MYBPC2: variants seen among roughly 807,000 people sequenced by gnomAD.
The protein encoded by MYBPC2 is myosin binding protein C2.
MYBPC2 carries 122 observed loss-of-function variants against 137.0 expected under a neutral mutation model. That is an observed-to-expected ratio of 0.89 (90% CI 0.77 to 1.03). The LOEUF (loss-of-function observed/expected upper bound fraction) is 1.03. MYBPC2 is among the 50% of genes least tolerant of loss of function. The pLI is 0.00. For synonymous variants in MYBPC2, 626 were observed against 612.3 expected (o/e 1.02, Z -0.33); for missense variants, 1,500 against 1,534.4 (o/e 0.98, Z 0.37).
At chr19:50,456,069 C>T (rs1226110675) in intron 20 of MYBPC2, among the ~76,000 whole-genome samples, 3 of 150,518 alleles carry the variant, frequency 2.0e-5, no homozygotes, top group African/African-American at 7.4e-5. Context: ...TCCATCCATC[C>T]ATTCATCTTA....
At chr19:50,457,833 C>A (rs542097917) in intron 20 of MYBPC2, among the ~76,000 whole-genome samples, 4 of 151,702 alleles carry the variant, frequency 2.6e-5, no homozygotes, top group African/African-American at 9.7e-5. Flanking sequence ...GTGCCTGCCA[C>A]CTTGCCCGGC....
chr19:50,454,468 C>T, intron 18 of MYBPC2, 99 bp downstream of exon 18: 1 of 1,061,252 alleles, frequency 9.4e-7, no homozygotes, highest in Non-Finnish European at 1.3e-6. Flanking sequence ...CTCTATCGCC[C>T]AGGCTGGAGT....
At position 50,450,897 on chromosome 19, in the gene MYBPC2, G is replaced by T; in HGVS notation, c.1541G>T (p.Gly514Val). 3 of 1,577,152 alleles carry T rather than the reference G, an allele frequency of 1.9e-6. No individual in the cohort carries two copies. In the East Asian group the frequency reaches 7.0e-5, roughly 37 times the overall value. ...DEGDYTFVPD[G>V]YALSLSAKLN... ...GGAGACTACACGTTTGTGCCTGACGGCTACGCCCTGTCGCTCTCGGCCAAG... is the reference window on the plus strand; with the variant it reads ...GGAGACTACACGTTTGTGCCTGACGTCTACGCCCTGTCGCTCTCGGCCAAG... The change falls in exon 14 of 28, where the codon GGC becomes GTC. Residue 514 changes from glycine to valine, a missense_variant. Gly to Val is a moderately radical substitution (Grantham distance 109). Coordinates refer to ENST00000357701, the MANE Select transcript of MYBPC2 (RefSeq NM_004533.4).
chr19:50,441,093 G>C lies in MYBPC2; in HGVS notation c.769+17G>C. 6.4e-7 allele frequency: 1 copy of C among 1,567,998 alleles called. No homozygotes were observed. The highest frequency in any genetic ancestry group is 8.6e-7 in the Non-Finnish European group (1 of 1,157,004). On this transcript the variant is annotated intron_variant, in intron 8 of 27. Coordinates refer to ENST00000357701, the MANE Select transcript of MYBPC2 (RefSeq NM_004533.4). ...AGAGTGCAGGTCAGCCCTGGTCTGG[G>C]GGGAGCTGGGCCCTGCACACAAGGG...
chr19:50,466,311 T>C lies in MYBPC2; in HGVS notation c.*106T>C, dbSNP rs1601302547. On this transcript the variant is annotated 3_prime_UTR_variant, in exon 28 of 28. Transcript: ENST00000357701. The surrounding 1 kb of genome is among the most constrained non-coding windows in gnomAD (Gnocchi z 4.9). ...GGAGTTTTCGCTGAGAACAAAACAG[T>C]GTTGTCTGGACCCTGGAGTGTCTGT... 2 of 1,496,064 alleles carry C rather than the reference T, an allele frequency of 1.3e-6. No homozygotes were observed. Among genetic ancestry groups the C allele is most frequent in the East Asian group, 2.3e-5 (1 of 43,384 alleles). 92.7% of individuals were successfully genotyped at this position (1,496,064 alleles called of 1,614,324 possible). A position where few individuals can be genotyped will look rare whatever the true frequency, so the allele number is the denominator to read the frequency against.
At chr19:50,444,175 CATCCATCT>C (rs766795481) in intron 11 of MYBPC2, among the ~76,000 whole-genome samples, 12,059 of 149,982 alleles carry the variant, frequency 0.08, 614 homozygotes, top group African/African-American at 0.14. Context: ...TCCATCCATC[CATCCATCT>C]GCTTAACCAT....
At chr19:50,455,933 C>T (rs1393117648) in intron 20 of MYBPC2, among the ~76,000 whole-genome samples, 1 of 152,166 alleles carries the variant, frequency 6.6e-6, no homozygotes, top group East Asian at 1.9e-4. Context: ...TGCCTTCTTT[C>T]TTTCTTCTAC....
Position 50,451,981 on chromosome 19 carries a change from C to T in MYBPC2, c.1727C>T (p.Ala576Val). ...ATCACAGGGGAGCCCCCTCCCGTCG[C>T]TACCTGGCTGAAGGGAGATGAGGTG... ...VSITGEPPPV[A>V]TWLKGDEVFT... Residue 576 changes from alanine (A) to valine (V), a missense_variant, in exon 16 of 28, where the codon GCT becomes GTT. Physicochemically the swap from Ala to Val is moderately conservative, Grantham distance 64. Transcript: ENST00000357701. 1 of 1,553,152 alleles carries T rather than the reference C, an allele frequency of 6.4e-7. No individual in the cohort carries two copies. The highest frequency in any genetic ancestry group is 8.7e-7 in the Non-Finnish European group (1 of 1,147,624).
In MYBPC2 at chr19:50,435,259, G is replaced by A. The variant is rs1440268119; in HGVS notation, c.109+9G>A. 1 of 1,159,194 alleles carries A rather than the reference G, an allele frequency of 8.6e-7. No homozygotes were observed. Among genetic ancestry groups the A allele is most frequent in the African/African-American group, 1.5e-5 (1 of 65,680 alleles). 71.8% of individuals were successfully genotyped at this position (1,159,194 alleles called of 1,614,324 possible). A position where few individuals can be genotyped will look rare whatever the true frequency, so the allele number is the denominator to read the frequency against. On this transcript the variant is annotated intron_variant, in intron 2 of 27. Transcript: ENST00000357701. This position sits in a 1 kb window ranked among gnomAD's most constrained non-coding sequence, Gnocchi z 4.8. Reference sequence around the variant, plus strand: ...TGCAGAGGCCCCCAAAGGTGAGGAGGTGCTCCCTCGGGCTCAACCGACCTG... The same window carrying A: ...TGCAGAGGCCCCCAAAGGTGAGGAGATGCTCCCTCGGGCTCAACCGACCTG...
In MYBPC2 at chr19:50,464,455, T is replaced by A; in HGVS notation, c.3338T>A (p.Phe1113Tyr). Residue 1113 changes from phenylalanine to tyrosine, a missense_variant, in exon 27 of 28, where the codon TTC (phenylalanine) becomes TAC (tyrosine). Physicochemically the swap from Phe to Tyr is conservative, Grantham distance 22. Transcript: ENST00000357701. The stretch of plus-strand genomic sequence containing the variant: ...CTGAACATCCGTCGCCCCTCGCCCT[T>A]CGACGCTGGGACTTACACCTGCCGG... ...LTLNIRRPSP[F>Y]DAGTYTCRAV... 6.2e-7 allele frequency: 1 copy of A among 1,612,486 alleles called. No homozygotes were observed.
intron 8 of MYBPC2, 129 bp from the exon 9 acceptor site, chr19:50,442,051 AG>A: frequency 8.4e-7 from 1 of 1,185,718 alleles, no homozygotes. Context: ...AGTTCATAGG[AG>A]GCCCCCTGAC....
chr19:50,454,291 C>T lies in MYBPC2; in HGVS notation c.1936C>T (p.Arg646Cys), dbSNP rs764900042. ...VDVPDPPEAV[R>C]ITSVGEDWAI... is the part of the protein sequence containing the mutation. ...TGTCCCAGACCCCCCGGAGGCTGTG[C>T]GCATCACCTCGGTTGGAGAGGATTG... Residue 646 changes from arginine (R) to cysteine (C), a missense_variant, in exon 18 of 28, where the codon CGC becomes TGC. Physicochemically the swap from Arg to Cys is radical, Grantham distance 180 (BLOSUM62 -3). Transcript: ENST00000357701. The T allele has an allele frequency of 8.7e-6, 14 of 1,613,904 alleles. No individual in the cohort carries two copies. The highest frequency in any genetic ancestry group is 5.3e-5 in the African/African-American group (4 of 75,016).
At position 50,465,172 on chromosome 19, in the gene MYBPC2, C is replaced by G. The variant is rs2040004280; in HGVS notation, c.3415+640C>G. Reference sequence around the variant, plus strand: ...CCTGATCCCAGCCCGCTGGGGACTCCCCACCGCCCCAGCGCCCCTCCGCCT... The same window carrying G: ...CCTGATCCCAGCCCGCTGGGGACTCGCCACCGCCCCAGCGCCCCTCCGCCT... On this transcript the variant is annotated intron_variant, in intron 27 of 27. Coordinates refer to ENST00000357701, the MANE Select transcript of MYBPC2 (RefSeq NM_004533.4). The surrounding 1 kb of genome is among the most constrained non-coding windows in gnomAD (Gnocchi z 4.5). Among the ~76,000 whole-genome samples, 1 of 151,988 alleles carries G rather than the reference C, an allele frequency of 6.6e-6. No homozygotes were observed. Among genetic ancestry groups the G allele is most frequent in the African/African-American group, 2.4e-5 (1 of 41,366 alleles).
chr19:50,464,224 C>T lies in MYBPC2; in HGVS notation c.3229-122C>T. ...GAGGGTCAGGGAGAAGTGACTCGTC[C>T]AAGAACATCTGGCAAGAGGGTGGCA... On this transcript the variant is annotated intron_variant, in intron 26 of 27. Transcript: ENST00000357701. 4 of 876,582 alleles carry T rather than the reference C, an allele frequency of 4.6e-6. No individual in the cohort carries two copies. In the Admixed American group the frequency reaches 8.5e-5, roughly 19 times the overall value. The allele number at this position is 876,582 out of a possible 1,614,324, so 54.3% of individuals were successfully genotyped here. A position where few individuals can be genotyped will look rare whatever the true frequency, so the allele number is the denominator to read the frequency against.
chr19:50,457,928 C>T (rs1312641677), intron 20 of MYBPC2, among the ~76,000 whole-genome samples: 1 of 151,436 alleles, frequency 6.6e-6, no homozygotes, highest in African/African-American at 2.4e-5. Flanking sequence ...GATCTGCCCA[C>T]CTCAGCCTCC....
rs201843462 is a variant in MYBPC2 at position 50,461,687 on chromosome 19, G to A, written c.3077G>A (p.Arg1026His). The A allele has an allele frequency of 2.5e-5, 40 of 1,611,950 alleles. No individual in the cohort carries two copies. The East Asian group carries it at 4.7e-4, about 19-fold the overall frequency. Residue 1026 changes from arginine (R) to histidine (H), a missense_variant, in exon 25 of 28, where the codon CGC becomes CAC. Transcript: ENST00000357701. ...CCTGGTGTCTCCAAGAACACGGCCC[G>A]CATCCTCAAGACAGGTACAGCCATC... is the stretch of plus-strand genomic sequence containing the variant. ...DSPGVSKNTARILKTGITFKP... is the reference protein window; with the variant it reads ...DSPGVSKNTAHILKTGITFKP...
At position 50,449,496 on chromosome 19, in the gene MYBPC2, C is replaced by T. The variant is rs964900312; in HGVS notation, c.1472+1106C>T. Reference sequence around the variant, plus strand: ...CTGGAAACTGGCCCAATGCCACTTCCGCCATAGTCTGTTGGGCAAGGAAAG... The same window carrying T: ...CTGGAAACTGGCCCAATGCCACTTCTGCCATAGTCTGTTGGGCAAGGAAAG... On this transcript the variant is annotated intron_variant, in intron 13 of 27. Transcript: ENST00000357701. Among the ~76,000 whole-genome samples the T allele has an allele frequency of 3.9e-5, 6 of 152,228 alleles. No homozygotes were observed. The South Asian group carries it at 6.2e-4, about 16-fold the overall frequency.
Position 50,451,327 on chromosome 19 carries a change from C to T in MYBPC2, c.1609+18C>T, listed in dbSNP as rs8105250. The T allele has an allele frequency of 0.23, 378,255 of 1,611,316 alleles. 46,251 individuals are homozygous for T. Among genetic ancestry groups the T allele is most frequent in the East Asian group, 0.37 (16,496 of 44,812 alleles). On this transcript the variant is annotated intron_variant, in intron 15 of 27. Coordinates refer to ENST00000357701, the MANE Select transcript of MYBPC2 (RefSeq NM_004533.4). ...CAAGCAAGGTGAGCACCACGGGCTG[C>T]GCTGGGAGCGGGTCTGAGGGAGGAG... is the stretch of plus-strand genomic sequence containing the variant.
At chr19:50,461,753 C>T (rs1278015922) in intron 25 of MYBPC2, 52 bp downstream of exon 25, 1 of 1,607,290 alleles carries the variant, frequency 6.2e-7, no homozygotes, top group African/African-American at 1.3e-5. Context: ...CCCTCTCGCC[C>T]AGGTCCCACC....
Sources: gnomAD v4.1 joint callset for allele counts (sites outside exome capture counted in the v4.1 genomes callset) on GRCh38, gnomAD v4.1.1 for gene constraint, Gnocchi (gnomAD v3.1) non-coding constraint, MANE v1.5 for transcripts, NCBI Gene and HGNC (gene_info 2026-07-23, HGNC 2026-07-21) for gene names.